Variants in SMAD2 observed in about 807,000 individuals in gnomAD.
The protein encoded by SMAD2 is MAD homolog 2.
A neutral mutation model predicts 64.4 loss-of-function variants in SMAD2; 8 were observed. That is an observed-to-expected ratio of 0.12 (90% CI 0.07 to 0.22). The LOEUF (loss-of-function observed/expected upper bound fraction) is 0.22, where lower values mean the gene tolerates loss of function less well. Ranked by LOEUF, SMAD2 falls within the 10% of genes least tolerant of loss-of-function variation. SMAD2 has a pLI of 1.00. For missense variants in SMAD2, 289 were observed against 561.2 expected, an observed-to-expected ratio of 0.51 and a Z score of 4.90; for synonymous variants, 203 against 195.8, an observed-to-expected ratio of 1.04 and a Z score of -0.31.
In SMAD2 at chr18:47,848,704, TAAA is replaced by T. The variant is rs755626653; in HGVS notation, c.785-20_785-18del. On this transcript the variant is annotated intron_variant, in intron 7 of 10. Coordinates refer to ENST00000262160, the MANE Select transcript of SMAD2 (RefSeq NM_005901.6). ...GCTGTAAATCTGAAAAAGAAAAAAA[TAAA>T]AAAATAATAAAAGGAAGAAATGCGT... The T allele has an allele frequency of 1.3e-6, 2 of 1,548,552 alleles. No homozygotes were observed. Among genetic ancestry groups the T allele is most frequent in the Non-Finnish European group, 1.8e-6 (2 of 1,129,068 alleles).
chr18:47,898,561 AG>A (rs1365824638), intron 1 of SMAD2, among the ~76,000 whole-genome samples: 1 of 152,224 alleles, frequency 6.6e-6, no homozygotes, highest in African/African-American at 2.4e-5. Context: ...TAATTTTCAT[AG>A]ATTATATGCT....
In SMAD2 at chr18:47,837,125, T is replaced by G. The variant is rs1913486867; in HGVS notation, c.*4702A>C. On this transcript the variant is annotated 3_prime_UTR_variant, in exon 11 of 11. Transcript: ENST00000262160. ...ACAAAGACATTTACTGAACAGAATTTTTGAGCCATTTGTAAAATTAAAATG... is the reference window on the plus strand; with the variant it reads ...ACAAAGACATTTACTGAACAGAATTGTTGAGCCATTTGTAAAATTAAAATG... 4.9e-6 allele frequency: 1 copy of G among 202,278 alleles called. No individual in the cohort carries two copies. Among genetic ancestry groups the G allele is most frequent in the Admixed American group, 6.0e-5 (1 of 16,656 alleles). 12.5% of individuals were successfully genotyped at this position (202,278 alleles called of 1,614,324 possible). A position where few individuals can be genotyped will look rare whatever the true frequency, so the allele number is the denominator to read the frequency against.
intron 1 of SMAD2, among the ~76,000 whole-genome samples, chr18:47,908,537 C>T (rs549607304): frequency 1.3e-5 from 2 of 152,010 alleles, no homozygotes; most frequent in Non-Finnish European, 2.9e-5. Flanking sequence ...TATCATTTAC[C>T]ATCATGAAAT....
chr18:47,929,093 A>AT (rs1231868461), intron 1 of SMAD2, among the ~76,000 whole-genome samples: 1 of 152,170 alleles, frequency 6.6e-6, no homozygotes, highest in African/African-American at 2.4e-5. Context: ...CCGAAGGCAA[A>AT]TTTTTTAAAT....
chr18:47,850,600 TATGTATA>T (rs1915313634), intron 7 of SMAD2, among the ~76,000 whole-genome samples: 1 of 61,220 alleles, frequency 1.6e-5, no homozygotes, highest in Non-Finnish European at 2.6e-5. Flanking sequence ...TTATATATAT[TATGTATA>T]ATATATATTA....
rs1598724259 is a variant in SMAD2 at position 47,825,051 on chromosome 18, T to C, written c.*16776A>G. 1 of 152,184 alleles carries C rather than the reference T, an allele frequency of 6.6e-6. No individual in the cohort carries two copies. The highest frequency in any genetic ancestry group is 1.9e-4 in the East Asian group (1 of 5,194). 9.4% of individuals were successfully genotyped at this position (152,184 alleles called of 1,614,324 possible). On this transcript the variant is annotated 3_prime_UTR_variant, in exon 11 of 11. Transcript: ENST00000262160. ...TTGGAATCTGGGTGATTTTTTAAAG[T>C]CCCATCCACTGGGCTGCCAGTAAAA...
At chr18:47,901,172 G>T (rs547479735) in intron 1 of SMAD2, among the ~76,000 whole-genome samples, 1 of 152,180 alleles carries the variant, frequency 6.6e-6, no homozygotes, top group East Asian at 1.9e-4. Flanking sequence ...AAAATTTTTG[G>T]TTTATAGATG....
chr18:47,850,579 TTA>T (rs377099335), intron 7 of SMAD2, among the ~76,000 whole-genome samples: 1,935 of 34,620 alleles, frequency 0.056, 227 homozygotes, highest in Middle Eastern at 0.1. Flanking sequence ...ATATTATATA[TTA>T]TATATATATT....
At chr18:47,895,470 G>A (rs939994816) in intron 2 of SMAD2, 3 of 152,250 alleles carry the variant, frequency 2.0e-5, no homozygotes, top group African/African-American at 4.8e-5. Flanking sequence ...CTTGTTTATC[G>A]TGTATTTCTA....
intron 1 of SMAD2, among the ~76,000 whole-genome samples, chr18:47,929,690 T>C (rs77971644): frequency 0.023 from 3,429 of 152,288 alleles, 126 homozygotes; most frequent in African/African-American, 0.078. Flanking sequence ...CTTTTTCTGT[T>C]TAGGATCAAA....
chr18:47,919,230 T>C (rs1019955025), intron 1 of SMAD2, among the ~76,000 whole-genome samples: 2 of 152,102 alleles, frequency 1.3e-5, no homozygotes, highest in African/African-American at 2.4e-5. Context: ...CCTAGACTTA[T>C]GTTAGCCAGA....
rs1912608303 is a variant in SMAD2, at chr18:47,822,521, ATTG to A, written c.*19303_*19305del. ...GTCTGTGACTTTTATTTGAAGCATT[ATTG>A]TTTTTTTACTTAAATGTTTTGTTTT... On this transcript the variant is annotated 3_prime_UTR_variant, in exon 11 of 11. Coordinates refer to ENST00000262160, the MANE Select transcript of SMAD2 (RefSeq NM_005901.6). 1 of 152,152 alleles carries A rather than the reference ATTG, an allele frequency of 6.6e-6. No homozygotes were observed. Among genetic ancestry groups the A allele is most frequent in the African/African-American group, 2.4e-5 (1 of 41,440 alleles). 9.4% of individuals were successfully genotyped at this position (152,152 alleles called of 1,614,324 possible).
At chr18:47,909,502 A>G (rs984460321) in intron 1 of SMAD2, among the ~76,000 whole-genome samples, 5 of 152,162 alleles carry the variant, frequency 3.3e-5, no homozygotes, top group African/African-American at 9.7e-5. Flanking sequence ...ATTCTAGGGG[A>G]AAAAACTGCC....
rs1307599781 is a variant in SMAD2 at position 47,820,683 on chromosome 18, TGAA to T, written c.*21141_*21143del. The T allele has an allele frequency of 6.6e-6, 1 of 152,182 alleles. No individual in the cohort carries two copies. The highest frequency in any genetic ancestry group is 1.5e-5 in the Non-Finnish European group (1 of 68,020). 9.4% of individuals were successfully genotyped at this position (152,182 alleles called of 1,614,324 possible). ...AAAGCAGAAAGTTTAAGCATGTCAC[TGAA>T]GGTCTGTGCAGATCATGAAATGTTC... On this transcript the variant is annotated 3_prime_UTR_variant, in exon 11 of 11. Transcript: ENST00000262160.
rs114876242 is a variant in SMAD2 at position 47,872,724 on chromosome 18, C to A, written c.237-2160G>T. Among the ~76,000 whole-genome samples, 30 of 152,224 alleles carry A rather than the reference C, an allele frequency of 2.0e-4. No homozygotes were observed. The East Asian group carries it at 5.6e-3, about 28-fold the overall frequency. Reference sequence around the variant, plus strand: ...ACATGCGAGGGCTTTAGGCTGGGCACTCCTTAAGAGAATCTAACTAATGCC... The same window carrying A: ...ACATGCGAGGGCTTTAGGCTGGGCAATCCTTAAGAGAATCTAACTAATGCC... On this transcript the variant is annotated intron_variant, in intron 2 of 10. Coordinates refer to ENST00000262160, the MANE Select transcript of SMAD2 (RefSeq NM_005901.6).
chr18:47,838,824 A>G lies in SMAD2; in HGVS notation c.*3003T>C, dbSNP rs973643370. On this transcript the variant is annotated 3_prime_UTR_variant, in exon 11 of 11. Transcript: ENST00000262160. ...GTCTCTGTGGAACCTACTGGAAAAA[A>G]TATTACTCATCTTAGAAATGTGATA... 3.9e-5 allele frequency: 9 copies of G among 232,976 alleles called. No individual in the cohort carries two copies. Among genetic ancestry groups the G allele is most frequent in the African/African-American group, 2.0e-4 (9 of 45,442 alleles). The allele number at this position is 232,976 out of a possible 1,614,324, so 14.4% of individuals were successfully genotyped here. A position where few individuals can be genotyped will look rare whatever the true frequency, so the allele number is the denominator to read the frequency against.
intron 2 of SMAD2, among the ~76,000 whole-genome samples, chr18:47,876,552 C>T (rs774402307): frequency 7.2e-5 from 11 of 151,928 alleles, no homozygotes; most frequent in Non-Finnish European, 1.3e-4. Flanking sequence ...GGAGGAGAGG[C>T]AAAACAGCTA....
rs1219191332 is a variant in SMAD2, at chr18:47,811,928, G to C, written c.*29899C>G. On this transcript the variant is annotated 3_prime_UTR_variant, in exon 11 of 11. Coordinates refer to ENST00000262160, the MANE Select transcript of SMAD2 (RefSeq NM_005901.6). Reference sequence around the variant, plus strand: ...CACAAAGATGTAGCATATATAAAAAGGAAATGTTTGGGAAAAAGTGATTTT... The same window carrying C: ...CACAAAGATGTAGCATATATAAAAACGAAATGTTTGGGAAAAAGTGATTTT... 6.6e-6 allele frequency: 1 copy of C among 152,174 alleles called. No individual in the cohort carries two copies. Among genetic ancestry groups the C allele is most frequent in the Non-Finnish European group, 1.5e-5 (1 of 68,042 alleles). The allele number at this position is 152,174 out of a possible 1,614,324, so 9.4% of individuals were successfully genotyped here. A position where few individuals can be genotyped will look rare whatever the true frequency, so the allele number is the denominator to read the frequency against.
chr18:47,926,398 T>G (rs915714684), intron 1 of SMAD2, among the ~76,000 whole-genome samples: 1 of 152,204 alleles, frequency 6.6e-6, no homozygotes, highest in African/African-American at 2.4e-5. Flanking sequence ...GCCCCAGACA[T>G]GCTAGTCAGG....
Sources: gnomAD v4.1 joint callset for allele counts (sites outside exome capture counted in the v4.1 genomes callset) on GRCh38, gnomAD v4.1.1 for gene constraint, MANE v1.5 for transcripts, NCBI Gene and HGNC (gene_info 2026-07-23, HGNC 2026-07-21) for gene names.